Variants in GRM5 observed in about 807,000 individuals in gnomAD.
GRM5 encodes glutamate metabotropic receptor 5.
Under a neutral mutation model 83.1 loss-of-function variants are expected in GRM5, and 19 were observed. That is an observed-to-expected ratio of 0.23 (90% CI 0.16 to 0.34). The LOEUF (loss-of-function observed/expected upper bound fraction) is 0.34, where lower values mean the gene tolerates loss of function less well. GRM5 is among the 10% of genes least tolerant of loss of function. The probability of loss-of-function intolerance (pLI) is 1.00; values close to 1 mark genes in which losing one functional copy is unlikely to be tolerated. For synonymous variants in GRM5, 675 were observed against 633.6 expected (o/e 1.07, Z -0.98); for missense variants, 1,160 against 1,588.3 (o/e 0.73, Z 4.58).
intron 3 of GRM5, among the ~76,000 whole-genome samples, chr11:88,730,069 G>C (rs934951672): frequency 6.6e-6 from 1 of 151,954 alleles, no homozygotes; most frequent in African/African-American, 2.4e-5. Flanking sequence ...ACAGCAAAAG[G>C]AACTATCATC....
chr11:88,600,642 T>A (rs1316673656), intron 5 of GRM5, among the ~76,000 whole-genome samples: 1 of 152,156 alleles, frequency 6.6e-6, no homozygotes, highest in Admixed American at 6.6e-5. Context: ...CAGGTTTCAA[T>A]TGTACAGAAA....
intron 3 of GRM5, among the ~76,000 whole-genome samples, chr11:88,770,961 C>A (rs939129149): frequency 1.4e-4 from 22 of 152,194 alleles, no homozygotes; most frequent in Middle Eastern, 6.8e-3. Context: ...ATTTAAATGA[C>A]TTTTCCTCAT....
intron 2 of GRM5, among the ~76,000 whole-genome samples, chr11:88,928,907 T>TATATATATATATATACACAC (rs369951090): frequency 7.2e-6 from 1 of 138,674 alleles, no homozygotes; most frequent in African/African-American, 2.8e-5. Context: ...TATGTGTATA[T>TATATATATATATATACACAC]ACACACACAC....
intron 2 of GRM5, among the ~76,000 whole-genome samples, chr11:88,958,003 A>G (rs1248483809): frequency 6.6e-6 from 1 of 152,000 alleles, no homozygotes; most frequent in Non-Finnish European, 1.5e-5. Flanking sequence ...TATATTTTTT[A>G]TACTACCAAA....
Position 88,861,930 on chromosome 11 carries a change from C to T in GRM5, c.662-11775G>A, listed in dbSNP as rs548504551. On this transcript the variant is annotated intron_variant, in intron 2 of 9. Coordinates refer to ENST00000305447, the MANE Select transcript of GRM5 (RefSeq NM_001143831.3). ...ACAGTTAAACAAAGGGGTTAATTAC[C>T]CTCTTTATCTCAAGGGCCTAGGCAA... Among the ~76,000 whole-genome samples the T allele has an allele frequency of 2.0e-5, 3 of 152,108 alleles. No homozygotes were observed. In the South Asian group the frequency reaches 6.2e-4, roughly 32 times the overall value.
At chr11:89,013,881 G>A (rs1445317896) in intron 2 of GRM5, among the ~76,000 whole-genome samples, 2 of 152,114 alleles carry the variant, frequency 1.3e-5, no homozygotes, top group African/African-American at 4.8e-5. Context: ...TTGACTAGAA[G>A]TGAATCCCTA....
intron 2 of GRM5, among the ~76,000 whole-genome samples, chr11:88,961,165 C>T (rs1231177543): frequency 6.6e-6 from 1 of 152,100 alleles, no homozygotes; most frequent in African/African-American, 2.4e-5. Flanking sequence ...GGAGGTTTAA[C>T]TGGATCCAAG....
intron 3 of GRM5, among the ~76,000 whole-genome samples, chr11:88,695,923 T>TA (rs1940891218): frequency 6.6e-6 from 1 of 152,178 alleles, no homozygotes. Flanking sequence ...AGGCATGTGT[T>TA]ACAGTTTGCT....
chr11:89,055,790 A>G (rs1325430248), intron 1 of GRM5, among the ~76,000 whole-genome samples: 3 of 152,170 alleles, frequency 2.0e-5, no homozygotes, highest in East Asian at 1.9e-4. Flanking sequence ...GGGGACAATT[A>G]TAACAACAAT....
At chr11:88,822,904 T>A (rs1380396939) in intron 3 of GRM5, among the ~76,000 whole-genome samples, 1 of 152,042 alleles carries the variant, frequency 6.6e-6, no homozygotes, top group Non-Finnish European at 1.5e-5. Flanking sequence ...AAAACGCAGC[T>A]CAATAGTTTT....
chr11:88,904,967 C>A (rs1180063178), intron 2 of GRM5, among the ~76,000 whole-genome samples: 1 of 152,056 alleles, frequency 6.6e-6, no homozygotes, highest in Non-Finnish European at 1.5e-5. Context: ...GCTCTTATTA[C>A]CTAGTCAATA....
At chr11:88,982,923 G>C (rs1402761492) in intron 2 of GRM5, among the ~76,000 whole-genome samples, 1 of 152,108 alleles carries the variant, frequency 6.6e-6, no homozygotes, top group Non-Finnish European at 1.5e-5. Context: ...AAAATTAGCT[G>C]GGCATGATGG....
chr11:88,946,896 A>C (rs971471006), intron 2 of GRM5, among the ~76,000 whole-genome samples: 67 of 152,208 alleles, frequency 4.4e-4, no homozygotes, highest in African/African-American at 1.6e-3. Flanking sequence ...CCAGTCAATG[A>C]AACATTATCT....
intron 3 of GRM5, among the ~76,000 whole-genome samples, chr11:88,787,963 A>T (rs905304474): frequency 6.6e-6 from 1 of 152,180 alleles, no homozygotes; most frequent in Non-Finnish European, 1.5e-5. Flanking sequence ...TGTCTTCATC[A>T]TTATACAATG....
At chr11:88,869,020 A>G (rs935777257) in intron 2 of GRM5, among the ~76,000 whole-genome samples, 1 of 151,692 alleles carries the variant, frequency 6.6e-6, no homozygotes, top group African/African-American at 2.4e-5. Context: ...CTTCCACACT[A>G]ATCCTTTAAT....
intron 2 of GRM5, among the ~76,000 whole-genome samples, chr11:88,959,908 A>T (rs1431927560): frequency 1.3e-5 from 2 of 152,334 alleles, no homozygotes; most frequent in East Asian, 3.9e-4. Context: ...TAGACTTTGG[A>T]AAGATTTTCT....
At chr11:88,651,942 AG>A (rs1939643657) in intron 4 of GRM5, among the ~76,000 whole-genome samples, 1 of 152,154 alleles carries the variant, frequency 6.6e-6, no homozygotes, top group Middle Eastern at 3.4e-3. Flanking sequence ...ACATGACCTC[AG>A]AGGGGGAAAT....
At chr11:89,038,679 C>A (rs1272117808) in intron 2 of GRM5, among the ~76,000 whole-genome samples, 1 of 152,096 alleles carries the variant, frequency 6.6e-6, no homozygotes, top group African/African-American at 2.4e-5. Context: ...TAAAAAGACA[C>A]AAAAATATGC....
intron 3 of GRM5, among the ~76,000 whole-genome samples, chr11:88,757,165 C>T (rs1222009466): frequency 2.6e-5 from 4 of 152,098 alleles, no homozygotes; most frequent in Admixed American, 6.6e-5. Flanking sequence ...GAAAAAAAAC[C>T]GATCTGTCAA....
Sources: allele counts gnomAD v4.1 joint callset (sites outside exome capture counted in the v4.1 genomes callset), GRCh38; gene constraint gnomAD v4.1.1; transcripts MANE v1.5; gene names NCBI Gene and HGNC (gene_info 2026-07-23, HGNC 2026-07-21).